The following GREB1 variants were observed in gnomAD, a reference collection of about 807,000 sequenced individuals.
The protein encoded by GREB1 is protein GREB1.
GREB1 carries 106 observed loss-of-function variants against 200.7 expected under a neutral mutation model. That is an observed-to-expected ratio of 0.53 (90% CI 0.45 to 0.62). GREB1 has a LOEUF of 0.62. Among genes scored for constraint, GREB1 ranks in the 20% least tolerant of loss-of-function variants. The pLI, the probability that GREB1 is intolerant of heterozygous loss-of-function variation, is 0.00. For synonymous variants in GREB1, 1,132 were observed against 1,092.4 expected, an observed-to-expected ratio of 1.04 and a Z score of -0.72; for missense variants, 2,243 against 2,556.8, an observed-to-expected ratio of 0.88 and a Z score of 2.65.
At chr2:11,552,908 G>C (rs916612625) in intron 1 of GREB1, among the ~76,000 whole-genome samples, 26 of 151,234 alleles carry the variant, frequency 1.7e-4, no homozygotes, top group Admixed American at 1.5e-3. Flanking sequence ...TACACGGGAG[G>C]CTGAGGCAGG....
rs748037386 is a variant in GREB1 at position 11,616,611 on chromosome 2, G to C, written c.3323-20G>C. 2.0e-6 allele frequency: 3 copies of C among 1,486,878 alleles called. No homozygotes were observed. The highest frequency in any genetic ancestry group is 1.9e-6 in the Non-Finnish European group (2 of 1,063,814). 92.1% of individuals were successfully genotyped at this position (1,486,878 alleles called of 1,614,324 possible). ...GAATGGTGATTTCGGTGCATTCTCA[G>C]CGTGTGTGTTTTGGAACAGGCTCTA... On this transcript the variant is annotated intron_variant, in intron 20 of 32. Coordinates refer to ENST00000381486, the MANE Select transcript of GREB1 (RefSeq NM_014668.4).
intron 1 of GREB1, among the ~76,000 whole-genome samples, chr2:11,524,869 A>C (rs1407250418): frequency 6.6e-6 from 1 of 152,208 alleles, no homozygotes; most frequent in Non-Finnish European, 1.5e-5. Context: ...CCAAAAAACT[A>C]AGTCCTGGCC....
At position 11,598,810 on chromosome 2, in the gene GREB1, G is replaced by C. The variant is rs753201736; in HGVS notation, c.2283G>C (p.Pro761=). ...TTCTGCAAAACTCCTTCCAGAACCC[G>C]CATACACTTTTTGTCCTAATCCATG... ...KAFLQNSFQN[P]HTLFVLIHDH... The change falls in exon 15 of 33, where the codon CCG becomes CCC. Residue 761 remains proline, a synonymous_variant. Coordinates refer to ENST00000381486, the MANE Select transcript of GREB1 (RefSeq NM_014668.4). 2.5e-6 allele frequency: 4 copies of C among 1,614,126 alleles called. No individual in the cohort carries two copies. The highest frequency in any genetic ancestry group is 2.5e-6 in the Non-Finnish European group (3 of 1,179,988).
chr2:11,587,690 A>G lies in GREB1; in HGVS notation c.1160-1056A>G, dbSNP rs1401112801. On this transcript the variant is annotated intron_variant, in intron 9 of 32. Transcript: ENST00000381486. ...GACTAAATGGAGTACCTGGAGTACA[A>G]GATAACACACACACACACACACACA... The G allele has an allele frequency of 1.5e-5, 16 of 1,075,682 alleles. No homozygotes were observed. In the East Asian group the frequency reaches 5.4e-4, roughly 36 times the overall value. The allele number at this position is 1,075,682 out of a possible 1,614,324, so 66.6% of individuals were successfully genotyped here.
At chr2:11,639,365 C>T (rs1296752702) in intron 32 of GREB1, among the ~76,000 whole-genome samples, 4 of 152,168 alleles carry the variant, frequency 2.6e-5, no homozygotes, top group African/African-American at 7.2e-5. Flanking sequence ...TTGGGATTAC[C>T]GGCGTGAGCC....
At chr2:11,539,037 T>TCTTCTCCTCCTTTCTCCCTTCTCCTCC (rs1553347520) in intron 1 of GREB1, among the ~76,000 whole-genome samples, 1,193 of 57,896 alleles carry the variant, frequency 0.021, 30 homozygotes, top group African/African-American at 0.04. Flanking sequence ...TCTTCTCTTC[T>TCTTCTCCTCCTTTCTCCCTTCTCCTCC]CTTCTCTTCT....
chr2:11,527,027 C>T (rs1673900692), intron 1 of GREB1, among the ~76,000 whole-genome samples: 1 of 152,166 alleles, frequency 6.6e-6, no homozygotes, highest in Admixed American at 6.5e-5. Context: ...CAGACACCCA[C>T]ATCCTGCCCT....
chr2:11,636,488 C>T (rs1041776102), intron 30 of GREB1, among the ~76,000 whole-genome samples: 5 of 152,218 alleles, frequency 3.3e-5, no homozygotes, highest in African/African-American at 1.2e-4. Flanking sequence ...GAAATCACTG[C>T]ATTGTTTTCA....
intron 1 of GREB1, among the ~76,000 whole-genome samples, chr2:11,550,053 T>C (rs116286290): frequency 2.8e-3 from 421 of 152,158 alleles, no homozygotes; most frequent in Non-Finnish European, 3.6e-3. Context: ...ACCCCATTTC[T>C]GCTAAAAGTA....
At position 11,575,476 on chromosome 2, in the gene GREB1, G is replaced by GACTTA. The variant is rs1678755623; in HGVS notation, c.455-877_455-876insACTTA. On this transcript the variant is annotated intron_variant, in intron 4 of 32. Coordinates refer to ENST00000381486, the MANE Select transcript of GREB1 (RefSeq NM_014668.4). ...GTGGTTTGGTTGTTGCCACTGCGTA[G>GACTTA]GAAGCCTGCTTAGAGTCTCACAGCT... 2.0e-5 allele frequency among the ~76,000 whole-genome samples: 3 copies of GACTTA among 152,192 alleles called. No individual in the cohort carries two copies. In the South Asian group the frequency reaches 6.2e-4, roughly 31 times the overall value.
intron 18 of GREB1, among the ~76,000 whole-genome samples, chr2:11,611,440 G>A (rs183264357): frequency 6.6e-6 from 1 of 152,250 alleles, no homozygotes; most frequent in African/African-American, 2.4e-5. Flanking sequence ...AGGCTCCTGA[G>A]TAGCTGGAAC....
intron 19 of GREB1, 134 bp downstream of exon 19, chr2:11,612,744 G>A (rs1006276068): frequency 1.7e-6 from 1 of 599,080 alleles, no homozygotes; most frequent in Non-Finnish European, 3.0e-6. Context: ...CCGTGGGTGG[G>A]GCCTTCATCG....
Position 11,585,797 on chromosome 2 carries a change from T to G in GREB1, c.1051T>G (p.Leu351Val), listed in dbSNP as rs141997729. 1 of 1,613,638 alleles carries G rather than the reference T, an allele frequency of 6.2e-7. No homozygotes were observed. Among genetic ancestry groups the G allele is most frequent in the South Asian group, 1.1e-5 (1 of 91,052 alleles). Reference sequence around the variant, plus strand: ...CATGTCCTGCGTGCCGCAGGTTGGCTTGGTGGGACCAGCTTCAGTCACCTT... The same window carrying G: ...CATGTCCTGCGTGCCGCAGGTTGGCGTGGTGGGACCAGCTTCAGTCACCTT... ...AGMSCVPQVG[L>V]VGPASVTFPV... Residue 351 changes from leucine to valine, a missense_variant, in exon 9 of 33, where the codon TTG (leucine) becomes GTG (valine). By Grantham distance (32) the Leu-to-Val change is conservative (BLOSUM62 1). This residue lies in a region of GREB1 where 1,178 missense variants were observed against 1,387.4 expected (regional missense o/e 0.85). Coordinates refer to ENST00000381486, the MANE Select transcript of GREB1 (RefSeq NM_014668.4).
At chr2:11,637,650 C>CG in intron 30 of GREB1, 66 bp from the exon 31 acceptor site, 1 of 1,491,726 alleles carries the variant, frequency 6.7e-7, no homozygotes, top group African/African-American at 1.4e-5. Context: ...CCTTGCAGCC[C>CG]GGAAGCCATG....
chr2:11,614,999 G>A, intron 19 of GREB1, 92 bp from the exon 20 acceptor site: 1 of 932,552 alleles, frequency 1.1e-6, no homozygotes. Flanking sequence ...GGAAGGTGGG[G>A]TGTGGTCCCG....
At chr2:11,635,531 G>A (rs1685243865) in intron 30 of GREB1, 126 bp downstream of exon 30, 3 of 1,083,788 alleles carry the variant, frequency 2.8e-6, no homozygotes, top group African/African-American at 1.6e-5. Context: ...GGGCCCTACT[G>A]GGTGGGGTCA....
chr2:11,562,402 G>A (rs1364470958), intron 2 of GREB1, 61 bp from the exon 3 acceptor site: 1 of 1,598,566 alleles, frequency 6.3e-7, no homozygotes, highest in Non-Finnish European at 8.5e-7. Context: ...GAAAGGCCCT[G>A]GGGGAAGCTC....
intron 31 of GREB1, among the ~76,000 whole-genome samples, chr2:11,638,280 A>G (rs1685544284): frequency 6.6e-6 from 1 of 152,170 alleles, no homozygotes; most frequent in South Asian, 2.1e-4. Context: ...AGCTGGGATT[A>G]CAGGCACATG....
rs376078784 is a variant in GREB1 at position 11,627,040 on chromosome 2, C to T, written c.4385C>T (p.Ala1462Val). 3.7e-6 allele frequency: 6 copies of T among 1,613,902 alleles called. No homozygotes were observed. Among genetic ancestry groups the T allele is most frequent in the Non-Finnish European group, 5.1e-6 (6 of 1,179,822 alleles). Residue 1462 changes from alanine (A) to valine (V), a missense_variant, in exon 25 of 33, where the codon GCG becomes GTG. By Grantham distance (64) the Ala-to-Val change is moderately conservative. Around this residue, in one of 3 missense-constraint regions of GREB1, gnomAD observed 587 missense variants for 553.1 expected, o/e 1.06. Coordinates refer to ENST00000381486, the MANE Select transcript of GREB1 (RefSeq NM_014668.4). ...CGGATGAGACTGTCCAAGTACGCAG[C>T]GTACAACACTTACCACCACTGTGAG... ...TARMRLSKYA[A>V]YNTYHHCEQC...
Sources: allele counts gnomAD v4.1 joint callset (sites outside exome capture counted in the v4.1 genomes callset), GRCh38; gene constraint gnomAD v4.1.1; regional missense constraint gnomAD v4.1.1; transcripts MANE v1.5; gene names NCBI Gene and HGNC (gene_info 2026-07-23, HGNC 2026-07-21).